Variants in KCND2 observed in about 807,000 individuals in gnomAD.
The protein encoded by KCND2 is A-type voltage-gated potassium channel KCND2.
A neutral mutation model predicts 54.4 loss-of-function variants in KCND2; 16 were observed. The observed-to-expected ratio is 0.29, with a 90% CI of 0.20 to 0.45. The LOEUF (loss-of-function observed/expected upper bound fraction) is 0.45. KCND2 is among the 20% of genes least tolerant of loss of function. The pLI, the probability that KCND2 is intolerant of heterozygous loss-of-function variation, is 1.00. For missense variants in KCND2, 486 were observed against 824.2 expected (o/e 0.59, Z 5.02); for synonymous variants, 317 against 310.7 (o/e 1.02, Z -0.21).
At chr7:120,608,036 T>C (rs1177105941) in intron 1 of KCND2, among the ~76,000 whole-genome samples, 1 of 150,142 alleles carries the variant, frequency 6.7e-6, no homozygotes, top group African/African-American at 2.5e-5. Context: ...TTTCTGTAGG[T>C]GGTATAGAGC....
At chr7:120,384,391 A>G (rs142000270) in intron 1 of KCND2, among the ~76,000 whole-genome samples, 82 of 152,228 alleles carry the variant, frequency 5.4e-4, no homozygotes, top group Non-Finnish European at 8.4e-4. Flanking sequence ...GTATTATTTA[A>G]ATATACAAGT....
At chr7:120,722,373 G>A (rs1792679047) in intron 1 of KCND2, among the ~76,000 whole-genome samples, 1 of 152,086 alleles carries the variant, frequency 6.6e-6, no homozygotes, top group Admixed American at 6.6e-5. Flanking sequence ...GAGTAATATG[G>A]GCATGGCCAG....
At chr7:120,544,719 C>T (rs2116386426) in intron 1 of KCND2, among the ~76,000 whole-genome samples, 1 of 152,004 alleles carries the variant, frequency 6.6e-6, no homozygotes, top group South Asian at 2.1e-4. Context: ...TAATTTCTGA[C>T]CTTGATAATC....
intron 1 of KCND2, among the ~76,000 whole-genome samples, chr7:120,649,794 C>T (rs533543392): frequency 6.6e-6 from 1 of 152,208 alleles, no homozygotes; most frequent in South Asian, 2.1e-4. Flanking sequence ...TTCAGGAGCT[C>T]TTGTAGGGCA....
At chr7:120,704,650 T>C (rs1054663180) in intron 1 of KCND2, among the ~76,000 whole-genome samples, 1 of 152,186 alleles carries the variant, frequency 6.6e-6, no homozygotes, top group African/African-American at 2.4e-5. Context: ...ATGAACTATG[T>C]CTAAATGACC....
At chr7:120,377,454 C>T (rs1236345188) in intron 1 of KCND2, among the ~76,000 whole-genome samples, 1 of 151,646 alleles carries the variant, frequency 6.6e-6, no homozygotes, top group Non-Finnish European at 1.5e-5. Flanking sequence ...CTAAAATATT[C>T]CATTTAATCA....
chr7:120,285,498 A>G (rs1219633524), intron 1 of KCND2, among the ~76,000 whole-genome samples: 1 of 152,004 alleles, frequency 6.6e-6, no homozygotes, highest in Non-Finnish European at 1.5e-5. Flanking sequence ...CATCTCATAG[A>G]CATTCAGAAG....
chr7:120,635,419 A>G (rs1047097996), intron 1 of KCND2, among the ~76,000 whole-genome samples: 4 of 152,204 alleles, frequency 2.6e-5, no homozygotes, highest in Non-Finnish European at 4.4e-5. Context: ...TATTCAGTGC[A>G]GTGACAGTAC....
At chr7:120,617,044 A>T (rs1452347571) in intron 1 of KCND2, among the ~76,000 whole-genome samples, 3 of 152,218 alleles carry the variant, frequency 2.0e-5, no homozygotes, top group Admixed American at 2.0e-4. Context: ...TATTAACCCC[A>T]TCAGTAGCAT....
intron 1 of KCND2, among the ~76,000 whole-genome samples, chr7:120,590,247 G>A (rs1386368116): frequency 6.6e-6 from 1 of 152,086 alleles, no homozygotes; most frequent in African/African-American, 2.4e-5. Flanking sequence ...TCGAACTCCT[G>A]ACCTCAAGAT....
At chr7:120,309,360 T>G (rs191630996) in intron 1 of KCND2, among the ~76,000 whole-genome samples, 1 of 151,490 alleles carries the variant, frequency 6.6e-6, no homozygotes, top group East Asian at 1.9e-4. Flanking sequence ...TACTTAATAT[T>G]TTGTGTGTGA....
chr7:120,539,681 A>G (rs1270022628), intron 1 of KCND2, among the ~76,000 whole-genome samples: 2 of 152,228 alleles, frequency 1.3e-5, no homozygotes, highest in East Asian at 1.9e-4. Flanking sequence ...GTTTTCATAC[A>G]CATATAGATA....
intron 1 of KCND2, among the ~76,000 whole-genome samples, chr7:120,406,885 A>G (rs1391282059): frequency 6.6e-6 from 1 of 152,026 alleles, no homozygotes; most frequent in Non-Finnish European, 1.5e-5. Flanking sequence ...GAGTCAGGAT[A>G]TGATGACTTT....
chr7:120,698,022 C>CTTTTTTTTTTTT (rs35589294), intron 1 of KCND2, among the ~76,000 whole-genome samples: 11 of 85,594 alleles, frequency 1.3e-4, no homozygotes, highest in African/African-American at 1.9e-4. Flanking sequence ...TAGATTTGCC[C>CTTTTTTTTTTTT]TTTTTTTTTT....
At chr7:120,287,301 T>C (rs559945730) in intron 1 of KCND2, among the ~76,000 whole-genome samples, 5 of 152,230 alleles carry the variant, frequency 3.3e-5, no homozygotes, top group African/African-American at 1.2e-4. Flanking sequence ...GATTCATATA[T>C]AGAGTTTAGT....
chr7:120,571,452 A>G (rs1792365201), intron 1 of KCND2, among the ~76,000 whole-genome samples: 1 of 152,244 alleles, frequency 6.6e-6, no homozygotes. Context: ...TGAAAGGAAC[A>G]GAGGGAGAGA....
chr7:120,714,894 GTTAA>G (rs1792584045), intron 1 of KCND2, among the ~76,000 whole-genome samples: 1 of 151,818 alleles, frequency 6.6e-6, no homozygotes, highest in Non-Finnish European at 1.5e-5. Context: ...CACTTTTCAA[GTTAA>G]TTAAATAAAA....
At chr7:120,311,410 T>C (rs1375803657) in intron 1 of KCND2, among the ~76,000 whole-genome samples, 2 of 152,204 alleles carry the variant, frequency 1.3e-5, no homozygotes, top group African/African-American at 4.8e-5. Flanking sequence ...ATTTTAATTA[T>C]AGAGGCAATT....
intron 1 of KCND2, among the ~76,000 whole-genome samples, chr7:120,625,079 A>G (rs1278084021): frequency 2.0e-5 from 3 of 152,190 alleles, no homozygotes; most frequent in African/African-American, 2.4e-5. Context: ...CTAGAATGAG[A>G]CTTGGCCCAT....
Sources: allele counts gnomAD v4.1 joint callset (sites outside exome capture counted in the v4.1 genomes callset), GRCh38; gene constraint gnomAD v4.1.1; transcripts MANE v1.5; gene names NCBI Gene and HGNC (gene_info 2026-07-23, HGNC 2026-07-21).